The following SLC30A10 variants were observed in gnomAD, a reference collection of about 807,000 sequenced individuals.
The protein encoded by SLC30A10 is calcium/manganese antiporter SLC30A10.
SLC30A10 carries 8 observed loss-of-function variants against 21.7 expected under a neutral mutation model. That is an observed-to-expected ratio of 0.37 (90% CI 0.22 to 0.67). The LOEUF (loss-of-function observed/expected upper bound fraction) is 0.67, where lower values mean the gene tolerates loss of function less well. Among genes scored for constraint, SLC30A10 ranks in the 30% least tolerant of loss-of-function variants. SLC30A10 has a pLI of 0.58. For missense variants in SLC30A10, 521 were observed against 642.5 expected (o/e 0.81, Z 2.04); for synonymous variants, 272 against 279.4 (o/e 0.97, Z 0.26).
upstream of SLC30A10, among the ~76,000 whole-genome samples, chr1:219,932,227 C>CT (rs199589948): frequency 0.06 from 9,095 of 152,164 alleles, 903 homozygotes; most frequent in African/African-American, 0.21. Flanking sequence ...CCACGCCCAG[C>CT]TAATTTTTGT....
intron 3 of SLC30A10, among the ~76,000 whole-genome samples, 162 bp from the exon 4 acceptor site, chr1:219,916,110 C>T (rs1040358736): frequency 2.0e-5 from 3 of 152,188 alleles, no homozygotes; most frequent in Admixed American, 6.5e-5. Flanking sequence ...TACATTTGCC[C>T]TTAACCTTCT....
At chr1:219,943,285 A>G (rs895092047) in intron 1 of SLC30A10, among the ~76,000 whole-genome samples, 3 of 152,294 alleles carry the variant, frequency 2.0e-5, no homozygotes, top group East Asian at 1.9e-4. Context: ...TAAAAACTCA[A>G]TAGAAGGTGC....
At chr1:219,919,511 C>T (rs898210044) in intron 2 of SLC30A10, among the ~76,000 whole-genome samples, 6 of 152,240 alleles carry the variant, frequency 3.9e-5, no homozygotes, top group African/African-American at 1.4e-4. Flanking sequence ...CGTGGTGGCT[C>T]ACTCCTGTAA....
intron 1 of SLC30A10, among the ~76,000 whole-genome samples, chr1:219,946,552 C>T (rs1660188446): frequency 6.6e-6 from 1 of 152,150 alleles, no homozygotes; most frequent in Non-Finnish European, 1.5e-5. Flanking sequence ...CATTCCCTCC[C>T]CAGTCCCCAT....
Position 219,915,435 on chromosome 1 carries a change from A to T in SLC30A10, c.*14T>A. On this transcript the variant is annotated 3_prime_UTR_variant, in exon 4 of 4. Transcript: ENST00000366926. ...AGTGCCTCGTCTATATGGTCTGATTATGTGAGTACCAGATTAAAAATGCGT... is the reference window on the plus strand; with the variant it reads ...AGTGCCTCGTCTATATGGTCTGATTTTGTGAGTACCAGATTAAAAATGCGT... 1 of 1,607,644 alleles carries T rather than the reference A, an allele frequency of 6.2e-7. No homozygotes were observed. Among genetic ancestry groups the T allele is most frequent in the Non-Finnish European group, 8.5e-7 (1 of 1,176,824 alleles).
At position 219,927,803 on chromosome 1, in the gene SLC30A10, G is replaced by C; in HGVS notation, c.638C>G (p.Ala213Gly). 6.5e-7 allele frequency: 1 copy of C among 1,540,252 alleles called. No individual in the cohort carries two copies. Among genetic ancestry groups the C allele is most frequent in the Non-Finnish European group, 8.7e-7 (1 of 1,144,154 alleles). The change falls in exon 1 of 4, where the codon GCA becomes GGA. Residue 213 changes from alanine to glycine, a missense_variant and splice_region_variant. Ala to Gly is a moderately conservative substitution (Grantham distance 60). Transcript: ENST00000366926. The part of the protein sequence containing the change: ...EKGATVFANV[A>G]GDSFNTQNEP... ...CAAAGGATGCAACCGAAAGGCACCTGCTACGTTTGCGAACACGGTCGCCCC... is the reference window on the plus strand; with the variant it reads ...CAAAGGATGCAACCGAAAGGCACCTCCTACGTTTGCGAACACGGTCGCCCC...
chr1:219,931,695 G>T (rs1659971944), upstream of SLC30A10, among the ~76,000 whole-genome samples: 1 of 152,072 alleles, frequency 6.6e-6, no homozygotes. Flanking sequence ...TGGCCAAGCT[G>T]GTCTCGAACT....
upstream of SLC30A10, among the ~76,000 whole-genome samples, chr1:219,959,011 C>A (rs1366027036): frequency 1.3e-5 from 2 of 152,202 alleles, no homozygotes; most frequent in Admixed American, 1.3e-4. Flanking sequence ...TCCGGAGTAT[C>A]GCCCCATGGC....
At chr1:219,921,353 CT>C (rs1297951526) in intron 2 of SLC30A10, among the ~76,000 whole-genome samples, 1 of 152,126 alleles carries the variant, frequency 6.6e-6, no homozygotes, top group Non-Finnish European at 1.5e-5. Flanking sequence ...ACATAAGTAA[CT>C]TGTCCAAAAT....
At position 219,911,723 on chromosome 1, in the gene SLC30A10, C is replaced by T. The variant is rs1659419731; in HGVS notation, c.*3726G>A. On this transcript the variant is annotated 3_prime_UTR_variant, in exon 4 of 4. Transcript: ENST00000366926. The stretch of plus-strand genomic sequence containing the variant: ...ATATGTTTTTAAAGAGCAAATTCTG[C>T]AGAATTAATTATTAAAAAGACTATG... Among the ~76,000 whole-genome samples, 1 of 152,022 alleles carries T rather than the reference C, an allele frequency of 6.6e-6. No homozygotes were observed. The highest frequency in any genetic ancestry group is 1.5e-5 in the Non-Finnish European group (1 of 68,032).
At position 219,942,969 on chromosome 1, in the gene SLC30A10, C is replaced by T. The variant is rs550632875; in HGVS notation, n.80+15599G>A. 1.5e-3 allele frequency among the ~76,000 whole-genome samples: 227 copies of T among 152,196 alleles called. 1 individual carries two copies. Among genetic ancestry groups the T allele is most frequent in the Admixed American group, 4.8e-3 (73 of 15,282 alleles). On this transcript the variant is annotated intron_variant and non_coding_transcript_variant, in intron 1 of 8. Transcript: ENST00000484239. ...CTGAGGCACAAGGATCACTTGAATC[C>T]GGGAGGCAGAGGTTTCGATGAGCTG...
intron 1 of SLC30A10, among the ~76,000 whole-genome samples, chr1:219,958,297 T>G (rs1338199863): frequency 6.6e-6 from 1 of 152,158 alleles, no homozygotes; most frequent in East Asian, 1.9e-4. Context: ...TGCCTTTACT[T>G]CCTCTCTGCG....
chr1:219,955,557 TG>T (rs1660337297), intron 1 of SLC30A10, among the ~76,000 whole-genome samples: 1 of 152,188 alleles, frequency 6.6e-6, no homozygotes, highest in Non-Finnish European at 1.5e-5. Context: ...ATATATAGTT[TG>T]TTCTATTATA....
At chr1:219,955,307 T>C (rs1408300630) in intron 1 of SLC30A10, among the ~76,000 whole-genome samples, 1 of 152,240 alleles carries the variant, frequency 6.6e-6, no homozygotes. Flanking sequence ...TTTTTCACTT[T>C]GCCTCTCACT....
chr1:219,915,533 A>G lies in SLC30A10; in HGVS notation c.1374T>C (p.Ser458=). ...RDAREVAIEV[S]LDSCLSDHGQ... Reference sequence around the variant, plus strand: ...CGTGGTCACTCAGACAGCTATCCAAAGACACTTCAATAGCCACTTCTCTTG... The same window carrying G: ...CGTGGTCACTCAGACAGCTATCCAAGGACACTTCAATAGCCACTTCTCTTG... Residue 458 remains serine, a synonymous_variant, in exon 4 of 4, where the codon TCT becomes TCC. Coordinates refer to ENST00000366926, the MANE Select transcript of SLC30A10 (RefSeq NM_018713.3). 3 of 1,614,224 alleles carry G rather than the reference A, an allele frequency of 1.9e-6. No homozygotes were observed. Among genetic ancestry groups the G allele is most frequent in the Non-Finnish European group, 2.5e-6 (3 of 1,180,046 alleles).
rs760146335 is a variant in SLC30A10, at chr1:219,928,229, G to A, written c.212C>T (p.Thr71Ile). The change falls in exon 1 of 4, where the codon ACC becomes ATC. Residue 71 changes from threonine (T) to isoleucine (I), a missense_variant. Coordinates refer to ENST00000366926, the MANE Select transcript of SLC30A10 (RefSeq NM_018713.3). This position sits in a 1 kb window ranked among gnomAD's most constrained non-coding sequence, Gnocchi z 6.3. Reference protein sequence around the residue: ...ARRPTRGFSATYGYARAEVVG... With the variant: ...ARRPTRGFSAIYGYARAEVVG... ...CACCTCGGCGCGGGCGTAGCCGTAGGTGGCGCTGAAGCCCCGGGTGGGGCG... is the reference window on the plus strand; with the variant it reads ...CACCTCGGCGCGGGCGTAGCCGTAGATGGCGCTGAAGCCCCGGGTGGGGCG... 1 of 1,569,244 alleles carries A rather than the reference G, an allele frequency of 6.4e-7. No individual in the cohort carries two copies. Among genetic ancestry groups the A allele is most frequent in the Non-Finnish European group, 8.6e-7 (1 of 1,157,646 alleles).
chr1:219,931,258 C>G (rs1211077586), upstream of SLC30A10, among the ~76,000 whole-genome samples: 2 of 152,164 alleles, frequency 1.3e-5, no homozygotes, highest in African/African-American at 4.8e-5. Flanking sequence ...TGTGTCACTG[C>G]CCCAGGAGTG....
intron 1 of SLC30A10, among the ~76,000 whole-genome samples, chr1:219,955,528 G>T (rs1185572746): frequency 6.6e-5 from 10 of 151,998 alleles, no homozygotes; most frequent in Admixed American, 5.9e-4. Context: ...GAATCCCAGG[G>T]ATATTTAAAG....
intron 1 of SLC30A10, among the ~76,000 whole-genome samples, chr1:219,934,811 T>C (rs1341847263): frequency 2.0e-5 from 3 of 152,160 alleles, no homozygotes; most frequent in African/African-American, 7.2e-5. Flanking sequence ...TCTGGGGTCA[T>C]CTTGTCATTA....
Sources: gnomAD v4.1 joint callset for allele counts (sites outside exome capture counted in the v4.1 genomes callset) on GRCh38, gnomAD v4.1.1 for gene constraint, Gnocchi (gnomAD v3.1) non-coding constraint, MANE v1.5 for transcripts, NCBI Gene and HGNC (gene_info 2026-07-23, HGNC 2026-07-21) for gene names.